Variants in TTC28 observed in about 807,000 individuals in gnomAD.
TTC28 encodes tetratricopeptide repeat domain 28.
A neutral mutation model predicts 198.0 loss-of-function variants in TTC28; 61 were observed. That is an observed-to-expected ratio of 0.31 (90% CI 0.25 to 0.38). TTC28 has a LOEUF of 0.38. Ranked by LOEUF, TTC28 falls within the 10% of genes least tolerant of loss-of-function variation. The pLI is 1.00. For synonymous variants in TTC28, 1,171 were observed against 1,297.8 expected (o/e 0.90, Z 2.10); for missense variants, 2,678 against 3,164.0 (o/e 0.85, Z 3.69).
chr22:28,505,814 GA>G (rs1256238872), intron 2 of TTC28, among the ~76,000 whole-genome samples: 1 of 152,244 alleles, frequency 6.6e-6, no homozygotes, highest in Admixed American at 6.5e-5. Context: ...CACGTCACTG[GA>G]AGCCAGTTAA....
At chr22:28,366,877 A>G (rs570221546) in intron 2 of TTC28, among the ~76,000 whole-genome samples, 2 of 152,252 alleles carry the variant, frequency 1.3e-5, no homozygotes, top group Middle Eastern at 3.4e-3. Flanking sequence ...TCATTTCACC[A>G]AGAGGATATA....
At chr22:28,143,375 T>C (rs1294929921) in intron 6 of TTC28, among the ~76,000 whole-genome samples, 1 of 152,150 alleles carries the variant, frequency 6.6e-6, no homozygotes, top group African/African-American at 2.4e-5. Context: ...AGAAATAAAA[T>C]AGAGAACTGA....
At chr22:28,152,208 G>A (rs1943624823) in intron 6 of TTC28, among the ~76,000 whole-genome samples, 1 of 152,190 alleles carries the variant, frequency 6.6e-6, no homozygotes, top group African/African-American at 2.4e-5. Context: ...AGGAAAAGAG[G>A]AGAAAGGGCC....
At chr22:28,156,473 G>A (rs1324631739) in intron 6 of TTC28, among the ~76,000 whole-genome samples, 5 of 152,218 alleles carry the variant, frequency 3.3e-5, no homozygotes, top group Non-Finnish European at 5.9e-5. Flanking sequence ...CTCCAGAGCT[G>A]TAAGAGAATA....
intron 2 of TTC28, among the ~76,000 whole-genome samples, chr22:28,546,505 A>G (rs1398287800): frequency 6.6e-6 from 1 of 152,196 alleles, no homozygotes; most frequent in Non-Finnish European, 1.5e-5. Context: ...AGAAGATATC[A>G]AGTAACTGAA....
chr22:28,542,082 C>G (rs1485631668), intron 2 of TTC28, among the ~76,000 whole-genome samples: 1 of 151,728 alleles, frequency 6.6e-6, no homozygotes, highest in Non-Finnish European at 1.5e-5. Flanking sequence ...GAACAAGATC[C>G]CATCTCTAAA....
chr22:28,249,397 C>T (rs1006440423), intron 5 of TTC28, among the ~76,000 whole-genome samples: 1 of 152,180 alleles, frequency 6.6e-6, no homozygotes, highest in South Asian at 2.1e-4. Flanking sequence ...AGGCAACTCA[C>T]TATCCCTACA....
chr22:28,343,795 A>G (rs961304903), intron 2 of TTC28, among the ~76,000 whole-genome samples: 1 of 152,228 alleles, frequency 6.6e-6, no homozygotes, highest in African/African-American at 2.4e-5. Context: ...AAGGGCTGGT[A>G]TAAAACTAGC....
chr22:28,225,368 A>AAAGAAGAAGAAGAAGAAGAAGAAGAAG (rs148306183), intron 5 of TTC28, among the ~76,000 whole-genome samples: 15 of 143,064 alleles, frequency 1.0e-4, no homozygotes, highest in South Asian at 2.2e-4. Flanking sequence ...AAAAAAAAGA[A>AAAGAAGAAGAAGAAGAAGAAGAAGAAG]AAGAAGAAGA....
intron 5 of TTC28, among the ~76,000 whole-genome samples, chr22:28,192,461 G>A (rs1453678659): frequency 6.6e-6 from 1 of 152,216 alleles, no homozygotes; most frequent in Non-Finnish European, 1.5e-5. Flanking sequence ...CGAGTTGAGA[G>A]AAGAAGTTTT....
chr22:28,580,931 A>T (rs143668997), intron 2 of TTC28, among the ~76,000 whole-genome samples: 1 of 152,098 alleles, frequency 6.6e-6, no homozygotes, highest in Admixed American at 6.5e-5. Flanking sequence ...AAATACTCTC[A>T]TTCTATTATT....
intron 6 of TTC28, among the ~76,000 whole-genome samples, chr22:28,138,510 T>A (rs1364510669): frequency 6.6e-6 from 1 of 152,248 alleles, no homozygotes; most frequent in Non-Finnish European, 1.5e-5. Context: ...AGTATCACCA[T>A]CAAGATGCCT....
chr22:28,628,862 T>A (rs1217713510), intron 2 of TTC28, among the ~76,000 whole-genome samples: 1 of 151,494 alleles, frequency 6.6e-6, no homozygotes, highest in Non-Finnish European at 1.5e-5. Context: ...GAGTCAAGAT[T>A]GCACCACTGC....
intron 2 of TTC28, among the ~76,000 whole-genome samples, chr22:28,474,265 A>G (rs890609148): frequency 1.3e-5 from 2 of 152,240 alleles, no homozygotes; most frequent in Non-Finnish European, 2.9e-5. Context: ...ACTTGGCAGA[A>G]GCAAAACTTA....
intron 2 of TTC28, among the ~76,000 whole-genome samples, chr22:28,317,052 G>A (rs188059874): frequency 1.5e-3 from 221 of 152,146 alleles, no homozygotes; most frequent in Non-Finnish European, 2.2e-3. Context: ...GGGATTATAG[G>A]CTTGAGCCAC....
chr22:28,094,506 A>T (rs1420036418), intron 11 of TTC28, among the ~76,000 whole-genome samples: 4 of 152,190 alleles, frequency 2.6e-5, no homozygotes, highest in Non-Finnish European at 4.4e-5. Context: ...AGCTCCTGGA[A>T]TTATGACTAC....
intron 2 of TTC28, among the ~76,000 whole-genome samples, chr22:28,366,793 T>C (rs2046254964): frequency 6.6e-6 from 1 of 152,160 alleles, no homozygotes; most frequent in South Asian, 2.1e-4. Context: ...GCTACCCTTA[T>C]ATCAGACAAA....
At chr22:28,659,712 T>C (rs974129627) in intron 1 of TTC28, among the ~76,000 whole-genome samples, 1 of 152,004 alleles carries the variant, frequency 6.6e-6, no homozygotes, top group South Asian at 2.1e-4. Flanking sequence ...GGGTGAGCTA[T>C]AAGAGCACCA....
At chr22:28,676,037 A>G (rs1165756726) in intron 1 of TTC28, among the ~76,000 whole-genome samples, 1 of 152,226 alleles carries the variant, frequency 6.6e-6, no homozygotes, top group African/African-American at 2.4e-5. Context: ...ATGAAAATAT[A>G]CATCCACACT....
Sources: gnomAD v4.1 joint callset for allele counts (sites outside exome capture counted in the v4.1 genomes callset) on GRCh38, gnomAD v4.1.1 for gene constraint, MANE v1.5 for transcripts, NCBI Gene and HGNC (gene_info 2026-07-23, HGNC 2026-07-21) for gene names.